Variants in UST observed in about 807,000 individuals in gnomAD.
The protein encoded by UST is uronyl 2-sulfotransferase, also known as chondroitin sulfate 2-O-sulfotransferase.
In UST, 21 loss-of-function variants were observed where a neutral mutation model predicts 45.6. The ratio of observed to expected loss-of-function variants is 0.46; its 90% CI spans 0.33 to 0.66. UST has a LOEUF of 0.66. Ranked by LOEUF, UST falls within the 30% of genes least tolerant of loss-of-function variation. UST has a pLI of 0.02. For missense variants in UST, 463 were observed against 512.4 expected (o/e 0.90, Z 0.93); for synonymous variants, 215 against 200.6 (o/e 1.07, Z -0.61).
chr6:149,019,301 T>C lies in UST; in HGVS notation c.779+65T>C. ...AACAAGGGCAAGAACCCCACCAGCC[T>C]GGTACTCGGTGGGAATCTTTTGTAT... On this transcript the variant is annotated intron_variant, in intron 6 of 7. Coordinates refer to ENST00000367463, the MANE Select transcript of UST (RefSeq NM_005715.3). The C allele has an allele frequency of 5.9e-6, 7 of 1,187,784 alleles. 1 individual carries two copies. The South Asian group carries it at 7.3e-5, about 12-fold the overall frequency. The allele number at this position is 1,187,784 out of a possible 1,614,324, so 73.6% of individuals were successfully genotyped here.
chr6:149,016,124 A>G (rs1775893947), intron 5 of UST, among the ~76,000 whole-genome samples: 1 of 152,182 alleles, frequency 6.6e-6, no homozygotes, highest in Non-Finnish European at 1.5e-5. Context: ...TAGCATCACC[A>G]TAGATGGGTT....
chr6:149,006,782 G>A (rs758753729), intron 5 of UST, among the ~76,000 whole-genome samples: 4 of 152,042 alleles, frequency 2.6e-5, no homozygotes, highest in African/African-American at 9.7e-5. Flanking sequence ...TTTAATAATC[G>A]CCATTCTGAC....
chr6:148,864,135 G>A (rs941036708), intron 1 of UST, among the ~76,000 whole-genome samples: 1 of 152,354 alleles, frequency 6.6e-6, no homozygotes, highest in African/African-American at 2.4e-5. Context: ...GCCTCCTTGA[G>A]CTGCGGTGGG....
At chr6:148,960,176 C>G (rs1256677484) in intron 4 of UST, among the ~76,000 whole-genome samples, 1 of 152,160 alleles carries the variant, frequency 6.6e-6, no homozygotes. Flanking sequence ...GTAATCCCAA[C>G]TACTTGGGAG....
At chr6:148,758,983 G>A (rs1776149950) in intron 1 of UST, among the ~76,000 whole-genome samples, 1 of 152,216 alleles carries the variant, frequency 6.6e-6, no homozygotes, top group South Asian at 2.1e-4. Flanking sequence ...CATGCGGCTG[G>A]ATGGAGGGGG....
At chr6:148,788,015 A>C (rs1776765548) in intron 1 of UST, among the ~76,000 whole-genome samples, 1 of 152,216 alleles carries the variant, frequency 6.6e-6, no homozygotes, top group Admixed American at 6.5e-5. Context: ...GATGTACCCG[A>C]GACTGGGAAG....
chr6:148,933,156 G>A (rs1779954846), intron 2 of UST, among the ~76,000 whole-genome samples: 1 of 152,126 alleles, frequency 6.6e-6, no homozygotes. Context: ...AAAATATTAT[G>A]AATGTTAAGA....
At chr6:149,034,317 C>T (rs4318907) in intron 7 of UST, among the ~76,000 whole-genome samples, 105,939 of 151,906 alleles carry the variant, frequency 0.7, 37,750 homozygotes, top group African/African-American at 0.84. Flanking sequence ...TTAGATCTGC[C>T]GCATTCAGTA....
intron 3 of UST, among the ~76,000 whole-genome samples, chr6:148,948,735 G>A (rs988512568): frequency 2.0e-4 from 31 of 152,022 alleles, no homozygotes; most frequent in Non-Finnish European, 3.8e-4. Context: ...AAGAAAAGAA[G>A]AAAATTTATA....
chr6:149,024,951 A>C (rs1186289597), intron 7 of UST, among the ~76,000 whole-genome samples: 1 of 151,458 alleles, frequency 6.6e-6, no homozygotes, highest in Non-Finnish European at 1.5e-5. Flanking sequence ...AAAAACAAAA[A>C]CAAAAAAAAA....
chr6:148,981,756 T>C (rs1026502653), intron 5 of UST, among the ~76,000 whole-genome samples: 2 of 152,246 alleles, frequency 1.3e-5, no homozygotes, highest in African/African-American at 4.8e-5. Flanking sequence ...TTCATTCATA[T>C]AAATGTGCAT....
intron 1 of UST, among the ~76,000 whole-genome samples, chr6:148,805,868 T>C (rs927491522): frequency 1.2e-4 from 18 of 152,200 alleles, no homozygotes; most frequent in African/African-American, 4.3e-4. Context: ...TTATCTCTAC[T>C]GAAAAACTTT....
At chr6:148,912,005 T>C (rs1162744669) in intron 2 of UST, among the ~76,000 whole-genome samples, 1 of 152,190 alleles carries the variant, frequency 6.6e-6, no homozygotes, top group African/African-American at 2.4e-5. Context: ...AAGACCAGCC[T>C]GATCAACATG....
intron 2 of UST, among the ~76,000 whole-genome samples, chr6:148,917,176 C>T (rs968570792): frequency 6.6e-6 from 1 of 151,360 alleles, no homozygotes; most frequent in Admixed American, 6.6e-5. Context: ...GGCAGCAGCA[C>T]CCCCCCACCC....
intron 1 of UST, among the ~76,000 whole-genome samples, chr6:148,853,724 T>A (rs1350555106): frequency 1.3e-5 from 2 of 152,238 alleles, no homozygotes; most frequent in Non-Finnish European, 2.9e-5. Flanking sequence ...GATGTTGAAC[T>A]TTTTTTCATA....
intron 7 of UST, among the ~76,000 whole-genome samples, chr6:149,061,411 G>C (rs553802381): frequency 6.6e-6 from 1 of 152,342 alleles, no homozygotes; most frequent in East Asian, 1.9e-4. Flanking sequence ...TGCAAAAAAT[G>C]TTCAGATCTT....
At chr6:148,823,803 A>G (rs1421562918) in intron 1 of UST, among the ~76,000 whole-genome samples, 1 of 152,218 alleles carries the variant, frequency 6.6e-6, no homozygotes, top group Non-Finnish European at 1.5e-5. Flanking sequence ...TAGATGCAGA[A>G]TGAATGAAAG....
intron 1 of UST, among the ~76,000 whole-genome samples, chr6:148,763,202 G>A (rs1776253464): frequency 6.6e-6 from 1 of 152,168 alleles, no homozygotes; most frequent in Non-Finnish European, 1.5e-5. Flanking sequence ...CATTCTGACT[G>A]GTGTGAGATG....
At chr6:148,855,206 T>A (rs1366086441) in intron 1 of UST, among the ~76,000 whole-genome samples, 1 of 152,080 alleles carries the variant, frequency 6.6e-6, no homozygotes, top group East Asian at 1.9e-4. Flanking sequence ...CTATTCAAGA[T>A]GAGATTTGAT....
Sources: gnomAD v4.1 joint callset for allele counts (sites outside exome capture counted in the v4.1 genomes callset) on GRCh38, gnomAD v4.1.1 for gene constraint, MANE v1.5 for transcripts, NCBI Gene and HGNC (gene_info 2026-07-23, HGNC 2026-07-21) for gene names.